PKP2: variants seen among roughly 807,000 people sequenced by gnomAD.
PKP2 encodes plakophilin 2.
PKP2 carries 73 observed loss-of-function variants against 83.4 expected under a neutral mutation model. The ratio of observed to expected loss-of-function variants is 0.88; its 90% CI spans 0.72 to 1.06. PKP2 has a LOEUF of 1.06. PKP2 is among the 50% of genes least tolerant of loss of function. The pLI is 0.00. For synonymous variants in PKP2, 409 were observed against 430.4 expected, an observed-to-expected ratio of 0.95 and a Z score of 0.62; for missense variants, 966 against 1,065.4, an observed-to-expected ratio of 0.91 and a Z score of 1.30.
Position 32,824,118 on chromosome 12 carries a change from C to T in PKP2, c.1601G>A (p.Arg534Lys). ...CAGTGAGTCAATGAGTCCGTCACAT[C>T]TTCTCATCGCTTTTCTCCCATCAGC... Reference protein sequence around the residue: ...AGADGRKAMRRCDGLIDSLVH... With the variant: ...AGADGRKAMRKCDGLIDSLVH... Residue 534 changes from arginine (R) to lysine (K), a missense_variant, in exon 7 of 13, where the codon AGA becomes AAA. By Grantham distance (26) the Arg-to-Lys change is conservative. Transcript: ENST00000340811. The T allele has an allele frequency of 6.2e-7, 1 of 1,613,580 alleles. No individual in the cohort carries two copies. The highest frequency in any genetic ancestry group is 1.1e-5 in the South Asian group (1 of 91,084).
chr12:32,891,668 A>G (rs1957076116), intron 1 of PKP2, among the ~76,000 whole-genome samples: 1 of 152,200 alleles, frequency 6.6e-6, no homozygotes, highest in Admixed American at 6.5e-5. Context: ...AAAAGCCTAA[A>G]TGAACAGTCT....
intron 6 of PKP2, among the ~76,000 whole-genome samples, chr12:32,840,324 G>T (rs989520441): frequency 3.9e-5 from 6 of 152,208 alleles, no homozygotes; most frequent in African/African-American, 1.2e-4. Context: ...TTTGAGACAG[G>T]GTCTTGCTCT....
At chr12:32,867,860 T>A (rs900486778) in intron 4 of PKP2, among the ~76,000 whole-genome samples, 14 of 152,306 alleles carry the variant, frequency 9.2e-5, no homozygotes, top group Middle Eastern at 6.8e-3. Flanking sequence ...ACTGAACACC[T>A]TTTTGAGCTG....
chr12:32,888,478 C>A (rs927371013), intron 1 of PKP2, among the ~76,000 whole-genome samples: 10 of 151,898 alleles, frequency 6.6e-5, no homozygotes, highest in Non-Finnish European at 1.0e-4. Context: ...AACTGCTAAC[C>A]CAACTTTTCT....
intron 3 of PKP2, among the ~76,000 whole-genome samples, chr12:32,870,381 C>T (rs771373571): frequency 6.6e-6 from 1 of 151,994 alleles, no homozygotes; most frequent in African/African-American, 2.4e-5. Context: ...TTCTGAAACA[C>T]GTGTTCAAAC....
At chr12:32,864,655 T>G (rs1956830996) in intron 4 of PKP2, among the ~76,000 whole-genome samples, 2 of 152,298 alleles carry the variant, frequency 1.3e-5, no homozygotes, top group South Asian at 2.1e-4. Context: ...CCAGCAATTA[T>G]TTTTTAAGAA....
rs1956075079 is a variant in PKP2 at position 32,792,269 on chromosome 12, A to C, written c.*155T>G. The C allele has an allele frequency of 1.4e-6, 1 of 703,558 alleles. No homozygotes were observed. The highest frequency in any genetic ancestry group is 2.6e-6 in the Non-Finnish European group (1 of 385,960). The allele number at this position is 703,558 out of a possible 1,614,324, so 43.6% of individuals were successfully genotyped here. ...GCAAAGGTCTTCTGGAAGACTCATA[A>C]AATTATGTTCTATTTGTTTTCTGGA... On this transcript the variant is annotated 3_prime_UTR_variant, in exon 13 of 13. Transcript: ENST00000340811.
At chr12:32,895,373 C>G (rs1046352972) in intron 1 of PKP2, among the ~76,000 whole-genome samples, 1 of 152,220 alleles carries the variant, frequency 6.6e-6, no homozygotes, top group African/African-American at 2.4e-5. Flanking sequence ...CTCCCAGACT[C>G]TGCTGTTTGA....
At chr12:32,792,995 A>G in intron 11 of PKP2, 1 of 430,740 alleles carries the variant, frequency 2.3e-6, no homozygotes, top group Non-Finnish European at 4.3e-6. Context: ...TCACGCCTGT[A>G]ATCCCAGCAC....
intron 5 of PKP2, among the ~76,000 whole-genome samples, chr12:32,845,547 G>A (rs994658231): frequency 7.2e-5 from 11 of 151,992 alleles, no homozygotes; most frequent in Admixed American, 1.3e-4. Context: ...GCGAGACTCC[G>A]TCTCAAAAAA....
At chr12:32,858,211 G>A (rs1404664366) in intron 4 of PKP2, among the ~76,000 whole-genome samples, 1 of 145,150 alleles carries the variant, frequency 6.9e-6, no homozygotes, top group East Asian at 2.0e-4. Flanking sequence ...GGGAGGCTCC[G>A]GTGGGAGGAA....
chr12:32,836,521 G>C (rs1039278206), intron 6 of PKP2, among the ~76,000 whole-genome samples: 2 of 152,190 alleles, frequency 1.3e-5, no homozygotes, highest in African/African-American at 4.8e-5. Flanking sequence ...GACCAGAAAT[G>C]ATCTCAATGT....
Position 32,792,391 on chromosome 12 carries a change from A to T in PKP2, c.*33T>A. ...GAAAAATAGGTGTTTTCCTTTGGGG[A>T]TTTTTGCAGCCGAGAATACTTTGTC... On this transcript the variant is annotated 3_prime_UTR_variant, in exon 13 of 13. Transcript: ENST00000340811. The T allele has an allele frequency of 6.5e-7, 1 of 1,545,476 alleles. No homozygotes were observed. The highest frequency in any genetic ancestry group is 8.9e-7 in the Non-Finnish European group (1 of 1,117,354).
At chr12:32,814,556 C>T (rs922683447) in intron 9 of PKP2, among the ~76,000 whole-genome samples, 2 of 152,140 alleles carry the variant, frequency 1.3e-5, no homozygotes, top group Non-Finnish European at 2.9e-5. Flanking sequence ...TCATTCCTTA[C>T]ACCTCAAGTT....
intron 3 of PKP2, 86 bp downstream of exon 3, chr12:32,877,760 C>T: frequency 2.0e-6 from 2 of 988,570 alleles, no homozygotes; most frequent in South Asian, 1.3e-5. Context: ...TCTCTCAAGC[C>T]CCAGAAGTGC....
At position 32,859,461 on chromosome 12, in the gene PKP2, T is replaced by TTG. The variant is rs374539238; in HGVS notation, c.1171-8490_1171-8489dup. 4.7e-3 allele frequency among the ~76,000 whole-genome samples: 718 copies of TTG among 151,520 alleles called. 5 individuals are homozygous for TTG. Among genetic ancestry groups the TTG allele is most frequent in the African/African-American group, 0.017 (688 of 41,376 alleles). ...ATATTTTTCTCAGTAACTTTTTTTTTTGTGTGTGTGTGTGTGACAGAGTCT... is the reference window on the plus strand; with the variant it reads ...ATATTTTTCTCAGTAACTTTTTTTTTTGTGTGTGTGTGTGTGTGACAGAGTCT... On this transcript the variant is annotated intron_variant, in intron 4 of 12. Transcript: ENST00000340811.
chr12:32,856,156 T>C (rs1416384984), intron 4 of PKP2, among the ~76,000 whole-genome samples: 1 of 152,202 alleles, frequency 6.6e-6, no homozygotes, highest in Non-Finnish European at 1.5e-5. Flanking sequence ...TTTTGCAAGA[T>C]ACTTATGGCA....
intron 6 of PKP2, among the ~76,000 whole-genome samples, chr12:32,826,671 A>G (rs1274087442): frequency 6.6e-6 from 1 of 152,210 alleles, no homozygotes; most frequent in Non-Finnish European, 1.5e-5. Context: ...AGCTGGAAAT[A>G]AAACAATTTT....
At chr12:32,808,084 G>C (rs933959572) in intron 9 of PKP2, among the ~76,000 whole-genome samples, 1 of 152,108 alleles carries the variant, frequency 6.6e-6, no homozygotes, top group Non-Finnish European at 1.5e-5. Context: ...TGATAGGTTG[G>C]GGTAATTCTA....
Sources: allele counts gnomAD v4.1 joint callset (sites outside exome capture counted in the v4.1 genomes callset), GRCh38; gene constraint gnomAD v4.1.1; transcripts MANE v1.5; gene names NCBI Gene and HGNC (gene_info 2026-07-23, HGNC 2026-07-21).